Variants in RCAN2 observed in about 807,000 individuals in gnomAD.
RCAN2 encodes regulator of calcineurin 2.
In RCAN2, 9 loss-of-function variants were observed where a neutral mutation model predicts 23.6. That is an observed-to-expected ratio of 0.38 (90% CI 0.23 to 0.67). The LOEUF (loss-of-function observed/expected upper bound fraction) is 0.67, where lower values mean the gene tolerates loss of function less well. Ranked by LOEUF, RCAN2 falls within the 30% of genes least tolerant of loss-of-function variation. The pLI, the probability that RCAN2 is intolerant of heterozygous loss-of-function variation, is 0.51. For synonymous variants in RCAN2, 109 were observed against 115.7 expected, an observed-to-expected ratio of 0.94 and a Z score of 0.37; for missense variants, 273 against 302.3, an observed-to-expected ratio of 0.90 and a Z score of 0.72.
chr6:46,367,022 G>GATATATGTATATATATATATATATATAT (rs1765191375), intron 2 of RCAN2, among the ~76,000 whole-genome samples: 1 of 59,690 alleles, frequency 1.7e-5, no homozygotes, highest in African/African-American at 4.8e-5. Context: ...ATCTGGGATG[G>GATATATGTATATATATATATATATATAT]ATATATATAT....
At chr6:46,302,699 T>C (rs1762940083) in intron 2 of RCAN2, among the ~76,000 whole-genome samples, 1 of 152,054 alleles carries the variant, frequency 6.6e-6, no homozygotes, top group Non-Finnish European at 1.5e-5. Flanking sequence ...ACTTGGGGCA[T>C]TGATGGTGGC....
At chr6:46,294,558 T>C (rs1433345415) in intron 2 of RCAN2, among the ~76,000 whole-genome samples, 1 of 152,162 alleles carries the variant, frequency 6.6e-6, no homozygotes, top group Non-Finnish European at 1.5e-5. Context: ...AGAGGAGTGG[T>C]TAAATTATGG....
intron 2 of RCAN2, 93 bp from the exon 3 acceptor site, chr6:46,248,989 G>C (rs1057344175): frequency 3.7e-5 from 31 of 843,704 alleles, no homozygotes; most frequent in Non-Finnish European, 5.0e-5. Context: ...TAAATAAATA[G>C]GCTGTTAATA....
intron 2 of RCAN2, among the ~76,000 whole-genome samples, chr6:46,386,141 C>T (rs1468048965): frequency 1.3e-5 from 2 of 152,186 alleles, no homozygotes; most frequent in African/African-American, 4.8e-5. Context: ...GTCTAATATC[C>T]AGAATTTACA....
At chr6:46,384,523 A>G (rs1298307036) in intron 2 of RCAN2, among the ~76,000 whole-genome samples, 1 of 152,240 alleles carries the variant, frequency 6.6e-6, no homozygotes, top group East Asian at 1.9e-4. Context: ...AGGCCAATGT[A>G]ATTTTTGTTA....
intron 2 of RCAN2, among the ~76,000 whole-genome samples, chr6:46,373,945 A>T (rs983178183): frequency 6.6e-6 from 1 of 152,208 alleles, no homozygotes; most frequent in African/African-American, 2.4e-5. Flanking sequence ...AGATGTCATC[A>T]CAACATCCCT....
In RCAN2 at chr6:46,229,692, A is replaced by T. The variant is rs532120714; in HGVS notation, c.572-6391T>A. ...TGTCTAATCTTTTTTCAAGGTTTTT[A>T]GCTTCTTTGTGATGGGTTCGAACTT... On this transcript the variant is annotated intron_variant, in intron 4 of 4. Coordinates refer to ENST00000371374, the MANE Select transcript of RCAN2 (RefSeq NM_001251974.2). Among the ~76,000 whole-genome samples, 9 of 152,268 alleles carry T rather than the reference A, an allele frequency of 5.9e-5. No homozygotes were observed. The East Asian group carries it at 1.7e-3, about 29-fold the overall frequency.
chr6:46,488,956 CCA>C (rs1335780824), intron 1 of RCAN2, among the ~76,000 whole-genome samples: 1 of 152,226 alleles, frequency 6.6e-6, no homozygotes, highest in African/African-American at 2.4e-5. Context: ...CCTCACACCT[CCA>C]CAGTCACTTT....
chr6:46,326,772 G>A (rs776064978), intron 2 of RCAN2, among the ~76,000 whole-genome samples: 1 of 152,090 alleles, frequency 6.6e-6, no homozygotes, highest in South Asian at 2.1e-4. Context: ...ACATATGACT[G>A]GACAAAAGCC....
Position 46,368,531 on chromosome 6 carries a change from A to G in RCAN2, c.225+88221T>C, listed in dbSNP as rs112242989. 5.0e-3 allele frequency among the ~76,000 whole-genome samples: 763 copies of G among 152,314 alleles called. 6 individuals carry two copies. Among genetic ancestry groups the G allele is most frequent in the African/African-American group, 0.018 (730 of 41,582 alleles). On this transcript the variant is annotated intron_variant, in intron 2 of 4. Transcript: ENST00000371374. ...GTGTACTTACACAAACCTAGATGGT[A>G]TAGCCTACTACATATCTAAGCTATA...
intron 2 of RCAN2, among the ~76,000 whole-genome samples, chr6:46,296,969 C>G (rs1184974340): frequency 6.6e-6 from 1 of 152,148 alleles, no homozygotes; most frequent in African/African-American, 2.4e-5. Flanking sequence ...TATACCCAGA[C>G]ACATCCACCA....
intron 4 of RCAN2, among the ~76,000 whole-genome samples, chr6:46,233,023 A>T (rs1029555771): frequency 5.3e-5 from 8 of 152,052 alleles, no homozygotes; most frequent in African/African-American, 1.4e-4. Context: ...TTTTTGCTGG[A>T]AAATGGTAAA....
chr6:46,333,710 GA>G (rs2150368470), intron 2 of RCAN2, among the ~76,000 whole-genome samples: 1 of 152,326 alleles, frequency 6.6e-6, no homozygotes, highest in South Asian at 2.1e-4. Flanking sequence ...GGTAAGATGT[GA>G]TTATCTCAGT....
At chr6:46,363,123 G>A (rs560917048) in intron 2 of RCAN2, among the ~76,000 whole-genome samples, 1 of 152,276 alleles carries the variant, frequency 6.6e-6, no homozygotes, top group South Asian at 2.1e-4. Flanking sequence ...GTGGGAATAA[G>A]TAGGAAACTC....
At chr6:46,225,072 G>A (rs1765615054) in intron 4 of RCAN2, among the ~76,000 whole-genome samples, 1 of 152,058 alleles carries the variant, frequency 6.6e-6, no homozygotes, top group Non-Finnish European at 1.5e-5. Context: ...TGAGAATGAT[G>A]GTTTCCAGCT....
intron 2 of RCAN2, among the ~76,000 whole-genome samples, chr6:46,275,521 C>T (rs1767665642): frequency 6.6e-6 from 1 of 152,056 alleles, no homozygotes; most frequent in African/African-American, 2.4e-5. Flanking sequence ...CAGATGGCAC[C>T]CAAAGTCATT....
chr6:46,231,705 C>A (rs565483816), intron 4 of RCAN2, among the ~76,000 whole-genome samples: 1 of 152,206 alleles, frequency 6.6e-6, no homozygotes, highest in African/African-American at 2.4e-5. Context: ...CCACCACGCC[C>A]GGAGGTTTGT....
chr6:46,263,224 A>G (rs1195125290), intron 2 of RCAN2, among the ~76,000 whole-genome samples: 1 of 152,156 alleles, frequency 6.6e-6, no homozygotes, highest in Non-Finnish European at 1.5e-5. Context: ...CTTTTCTTCA[A>G]AGCTATCCTT....
chr6:46,317,646 T>C (rs1016450503), intron 2 of RCAN2, among the ~76,000 whole-genome samples: 2 of 152,006 alleles, frequency 1.3e-5, no homozygotes. Flanking sequence ...TTGTATTTTT[T>C]AGTAGAGACG....
Sources: allele counts gnomAD v4.1 joint callset (sites outside exome capture counted in the v4.1 genomes callset), GRCh38; gene constraint gnomAD v4.1.1; transcripts MANE v1.5; gene names NCBI Gene and HGNC (gene_info 2026-07-23, HGNC 2026-07-21).